Variants in TRIM37 observed in about 807,000 individuals in gnomAD.
TRIM37 encodes E3 ubiquitin-protein ligase TRIM37.
TRIM37 carries 80 observed loss-of-function variants against 129.8 expected under a neutral mutation model. That is an observed-to-expected ratio of 0.62 (90% CI 0.51 to 0.74). TRIM37 has a LOEUF of 0.74. TRIM37 is among the 30% of genes least tolerant of loss of function. The probability of loss-of-function intolerance (pLI) is 0.00; values close to 1 mark genes in which losing one functional copy is unlikely to be tolerated. For synonymous variants in TRIM37, 389 were observed against 387.1 expected, an observed-to-expected ratio of 1.00 and a Z score of -0.06; for missense variants, 1,054 against 1,176.5, an observed-to-expected ratio of 0.90 and a Z score of 1.52.
At chr17:59,096,546 T>C (rs1263613854) in intron 2 of TRIM37, among the ~76,000 whole-genome samples, 1 of 99,474 alleles carries the variant, frequency 1.0e-5, no homozygotes, top group Non-Finnish European at 2.0e-5. Context: ...TGAGACTCTG[T>C]CTCAAAAAAA....
intron 21 of TRIM37, among the ~76,000 whole-genome samples, chr17:59,015,119 A>G (rs949584550): frequency 7.1e-6 from 1 of 140,550 alleles, no homozygotes; most frequent in African/African-American, 2.7e-5. Flanking sequence ...AAAAAAAAAA[A>G]GTAAAATCTC....
chr17:59,059,278 CAGG>C (rs746341393), intron 12 of TRIM37: 6 of 152,328 alleles, frequency 3.9e-5, no homozygotes, highest in Non-Finnish European at 8.8e-5. Flanking sequence ...GAGGCTGAGG[CAGG>C]AGAATTGCTT....
chr17:59,086,322 C>G (rs948534740), intron 4 of TRIM37, among the ~76,000 whole-genome samples: 1 of 151,690 alleles, frequency 6.6e-6, no homozygotes, highest in Non-Finnish European at 1.5e-5. Flanking sequence ...ACTACAACCT[C>G]CACCTTCTAG....
intron 16 of TRIM37, among the ~76,000 whole-genome samples, chr17:59,045,156 C>G (rs2039644751): frequency 6.6e-6 from 1 of 151,996 alleles, no homozygotes; most frequent in South Asian, 2.1e-4. Context: ...GAAACCCCAT[C>G]TCTATTAAAA....
chr17:58,995,577 A>G (rs1041763528), downstream of TRIM37, among the ~76,000 whole-genome samples: 3 of 152,122 alleles, frequency 2.0e-5, no homozygotes, highest in Non-Finnish European at 4.4e-5. Context: ...GCTGATATAA[A>G]TAAGTAGCTG....
the TRIM37 span, among the ~76,000 whole-genome samples, chr17:58,971,937 T>TTA: frequency 6.6e-6 from 1 of 152,268 alleles, no homozygotes; most frequent in Non-Finnish European, 1.5e-5. Context: ...TCAGGTGGAC[T>TTA]TATGTGTGTA....
intron 2 of TRIM37, among the ~76,000 whole-genome samples, chr17:59,092,559 TA>T (rs1285683336): frequency 6.6e-6 from 1 of 152,096 alleles, no homozygotes; most frequent in Non-Finnish European, 1.5e-5. Context: ...AGCAATGTTA[TA>T]CCACATATAA....
intron 22 of TRIM37, among the ~76,000 whole-genome samples, chr17:59,010,639 TCTG>T (rs928874212): frequency 3.3e-5 from 5 of 152,032 alleles, no homozygotes; most frequent in African/African-American, 1.2e-4. Context: ...ATTACAGGTG[TCTG>T]CTACCACATC....
chr17:59,007,231 C>CCACACACACACACACACACA lies in TRIM37; in HGVS notation c.2695+5096_2695+5097insTGTGTGTGTGTGTGTGTGTG, dbSNP rs35675752. Among the ~76,000 whole-genome samples, 393 of 97,536 alleles carry CCACACACACACACACACACA rather than the reference C, an allele frequency of 4.0e-3. 16 individuals carry two copies. Among genetic ancestry groups the CCACACACACACACACACACA allele is most frequent in the African/African-American group, 0.015 (366 of 24,284 alleles). 64.0% of individuals were successfully genotyped at this position (97,536 alleles called of 152,430 possible). ...CTAAAACCACCCCACCCCCACCCACCCACACACACACACACGTTCCTGATG... is the reference window on the plus strand; with the variant it reads ...CTAAAACCACCCCACCCCCACCCACCCACACACACACACACACACACACACACACACACACGTTCCTGATG... On this transcript the variant is annotated intron_variant, in intron 22 of 23. Transcript: ENST00000262294.
chr17:59,051,256 A>T lies in TRIM37; in HGVS notation c.1272T>A (p.Ala424=), dbSNP rs1343986239. Reference sequence around the variant, plus strand: ...TTTGTTGGATATAACTAGTCTGTGCAGCTTCCAACTGAGTAATGTACCAAT... The same window carrying T: ...TTTGTTGGATATAACTAGTCTGTGCTGCTTCCAACTGAGTAATGTACCAAT... The part of the protein sequence containing the change: ...DQHWYITQLE[A]AQTSYIQQIN... The change falls in exon 14 of 24, where the codon GCT becomes GCA. Residue 424 remains alanine (A), a synonymous_variant. Transcript: ENST00000262294. The T allele has an allele frequency of 1.9e-6, 3 of 1,613,826 alleles. No individual in the cohort carries two copies. Among genetic ancestry groups the T allele is most frequent in the Non-Finnish European group, 2.5e-6 (3 of 1,179,874 alleles).
intron 9 of TRIM37, among the ~76,000 whole-genome samples, chr17:59,068,207 A>G (rs1202491470): frequency 1.3e-5 from 2 of 152,214 alleles, no homozygotes; most frequent in African/African-American, 4.8e-5. Flanking sequence ...ACTAGCGAGC[A>G]TTGTTGCCTG....
chr17:59,097,496 C>T (rs207476517), intron 2 of TRIM37, among the ~76,000 whole-genome samples: 11 of 151,376 alleles, frequency 7.3e-5, no homozygotes, highest in Admixed American at 4.6e-4. Flanking sequence ...AATCTAAAAA[C>T]GAAATTAAGA....
intron 13 of TRIM37, among the ~76,000 whole-genome samples, chr17:59,056,450 C>T (rs2040874724): frequency 6.6e-6 from 1 of 151,976 alleles, no homozygotes; most frequent in South Asian, 2.1e-4. Context: ...TGATAAGGGG[C>T]CGGGCACGGT....
intron 18 of TRIM37, among the ~76,000 whole-genome samples, chr17:59,030,140 T>G (rs1006697447): frequency 6.6e-6 from 1 of 152,178 alleles, no homozygotes; most frequent in East Asian, 1.9e-4. Flanking sequence ...GGAGTTTCAC[T>G]CGTTGCCCAG....
chr17:59,066,825 C>T (rs999220591), intron 9 of TRIM37, among the ~76,000 whole-genome samples: 1 of 152,138 alleles, frequency 6.6e-6, no homozygotes, highest in Non-Finnish European at 1.5e-5. Flanking sequence ...TTCCAATAAC[C>T]TGTTTTTCTA....
intron 16 of TRIM37, among the ~76,000 whole-genome samples, chr17:59,042,439 AAAAAAAAAAAATAT>A (rs869230006): frequency 0.089 from 7,287 of 81,856 alleles, 318 homozygotes; most frequent in East Asian, 0.094. Context: ...TTTAAAAAAA[AAAAAAAAAAAATAT>A]ATATATATAT....
chr17:59,073,828 C>A (rs1396976565), intron 8 of TRIM37, among the ~76,000 whole-genome samples: 1 of 152,208 alleles, frequency 6.6e-6, no homozygotes, highest in Non-Finnish European at 1.5e-5. Context: ...AATATCACCA[C>A]CTTCCACCTC....
At chr17:59,003,127 T>C (rs1003011267) in intron 22 of TRIM37, among the ~76,000 whole-genome samples, 1 of 152,214 alleles carries the variant, frequency 6.6e-6, no homozygotes, top group Non-Finnish European at 1.5e-5. Flanking sequence ...TTCACCCGCT[T>C]TGGCCTCCTA....
At chr17:59,046,299 C>A (rs991655688) in intron 16 of TRIM37, among the ~76,000 whole-genome samples, 1 of 152,052 alleles carries the variant, frequency 6.6e-6, no homozygotes, top group Admixed American at 6.6e-5. Context: ...AGTGAAGAAA[C>A]CTGGCGGATG....
Sources: allele counts gnomAD v4.1 joint callset (sites outside exome capture counted in the v4.1 genomes callset), GRCh38; gene constraint gnomAD v4.1.1; transcripts MANE v1.5; gene names NCBI Gene and HGNC (gene_info 2026-07-23, HGNC 2026-07-21).